The following ZCCHC2 variants were observed in gnomAD, a reference collection of about 807,000 sequenced individuals.
ZCCHC2 encodes zinc finger CCHC domain-containing protein 2.
In ZCCHC2, 39 loss-of-function variants were observed where a neutral mutation model predicts 103.6. That is an observed-to-expected ratio of 0.38 (90% CI 0.29 to 0.49). The LOEUF is 0.49. Among genes scored for constraint, ZCCHC2 ranks in the 20% least tolerant of loss-of-function variants. The pLI, the probability that ZCCHC2 is intolerant of heterozygous loss-of-function variation, is 0.96. For missense variants in ZCCHC2, 1,483 were observed against 1,491.0 expected, an observed-to-expected ratio of 0.99 and a Z score of 0.09; for synonymous variants, 687 against 608.9, an observed-to-expected ratio of 1.13 and a Z score of -1.89.
At position 62,524,183 on chromosome 18, in the gene ZCCHC2, C is replaced by T; in HGVS notation, c.759C>T (p.Ser253=). The change falls in exon 1 of 14, where the codon TCC becomes TCT. Residue 253 remains serine, a synonymous_variant. Coordinates refer to ENST00000269499, the MANE Select transcript of ZCCHC2 (RefSeq NM_017742.6). ...CCCGGGTCGGCGGCGGGCTTGGCTC[C>T]AGGGCCCAGGAGGAACTGCTGCTGC... ...VEPRVGGGLG[S]RAQEELLLLF... 6.5e-7 allele frequency: 1 copy of T among 1,548,510 alleles called. No individual in the cohort carries two copies. Among genetic ancestry groups the T allele is most frequent in the Non-Finnish European group, 8.7e-7 (1 of 1,146,302 alleles).
At chr18:62,564,240 A>G (rs1396966489) in intron 9 of ZCCHC2, among the ~76,000 whole-genome samples, 1 of 152,216 alleles carries the variant, frequency 6.6e-6, no homozygotes, top group Non-Finnish European at 1.5e-5. Flanking sequence ...GTTGACAGTT[A>G]TATGGAATTG....
chr18:62,528,685 T>C (rs1449886920), intron 1 of ZCCHC2, among the ~76,000 whole-genome samples: 4 of 152,162 alleles, frequency 2.6e-5, no homozygotes, highest in African/African-American at 9.7e-5. Context: ...TTGATTAACT[T>C]CGCAATATAG....
Position 62,574,367 on chromosome 18 carries a change from G to A in ZCCHC2, c.2286G>A (p.Arg762=), listed in dbSNP as rs1376226447. Residue 762 remains arginine (R), a synonymous_variant, in exon 13 of 14, where the codon AGG becomes AGA. Coordinates refer to ENST00000269499, the MANE Select transcript of ZCCHC2 (RefSeq NM_017742.6). Reference sequence around the variant, plus strand: ...GTCCTGTTGCTATTTCTGCAATAAGGGAGTCTGCAAATTCAACCCCTGTTG... The same window carrying A: ...GTCCTGTTGCTATTTCTGCAATAAGAGAGTCTGCAAATTCAACCCCTGTTG... ...VPSPVAISAI[R]ESANSTPVGI... 1.9e-6 allele frequency: 3 copies of A among 1,613,860 alleles called. No homozygotes were observed. Among genetic ancestry groups the A allele is most frequent in the Admixed American group, 3.3e-5 (2 of 59,996 alleles).
chr18:62,541,321 G>T (rs1322518952), intron 2 of ZCCHC2, among the ~76,000 whole-genome samples: 1 of 152,154 alleles, frequency 6.6e-6, no homozygotes, highest in Non-Finnish European at 1.5e-5. Context: ...CAAAATACTG[G>T]TAATGTTATA....
intron 10 of ZCCHC2, 26 bp downstream of exon 10, chr18:62,564,661 CAT>C: frequency 6.7e-7 from 1 of 1,497,432 alleles, no homozygotes; most frequent in Non-Finnish European, 9.0e-7. Context: ...GGAAAGACAG[CAT>C]ATAGCCTTTG....
In ZCCHC2 at chr18:62,569,985, T is replaced by C. The variant is rs1037778357; in HGVS notation, c.1847-118T>C. ...AGTTTAGATCAAGGACAAGCTTTTT[T>C]AGATGGTTGTGGGGAAACTGAAGAA... On this transcript the variant is annotated intron_variant, in intron 11 of 13. Coordinates refer to ENST00000269499, the MANE Select transcript of ZCCHC2 (RefSeq NM_017742.6). 6.3e-6 allele frequency: 6 copies of C among 956,712 alleles called. No individual in the cohort carries two copies. The East Asian group carries it at 1.7e-4, about 26-fold the overall frequency. The allele number at this position is 956,712 out of a possible 1,614,324, so 59.3% of individuals were successfully genotyped here.
At chr18:62,569,019 C>T (rs1048996522) in intron 11 of ZCCHC2, among the ~76,000 whole-genome samples, 3 of 152,232 alleles carry the variant, frequency 2.0e-5, no homozygotes, top group African/African-American at 2.4e-5. Context: ...CCATGAACTC[C>T]TCTGCCACTT....
intron 11 of ZCCHC2, 82 bp downstream of exon 11, chr18:62,565,178 T>C: frequency 9.7e-7 from 1 of 1,028,254 alleles, no homozygotes; most frequent in South Asian, 1.5e-5. Context: ...GATACTGAGC[T>C]GTTGTGTCAA....
At chr18:62,568,723 G>C (rs1248667798) in intron 11 of ZCCHC2, among the ~76,000 whole-genome samples, 1 of 152,152 alleles carries the variant, frequency 6.6e-6, no homozygotes, top group Non-Finnish European at 1.5e-5. Context: ...TCCATTTCTA[G>C]TTTGAGAATA....
chr18:62,549,285 T>C (rs995824576), intron 4 of ZCCHC2, among the ~76,000 whole-genome samples: 10 of 152,216 alleles, frequency 6.6e-5, no homozygotes, highest in Non-Finnish European at 1.5e-4. Context: ...ACAGCGGGTG[T>C]GTAGAATGCC....
chr18:62,553,579 A>G (rs1267113060), intron 5 of ZCCHC2, among the ~76,000 whole-genome samples: 2 of 152,100 alleles, frequency 1.3e-5, no homozygotes, highest in Admixed American at 6.5e-5. Flanking sequence ...ATTTATCTGT[A>G]AGATCAATTT....
At position 62,533,264 on chromosome 18, in the gene ZCCHC2, G is replaced by T. The variant is rs1431334056; in HGVS notation, c.940-6417G>T. Among the ~76,000 whole-genome samples the T allele has an allele frequency of 2.6e-5, 4 of 152,130 alleles. No individual in the cohort carries two copies. The South Asian group carries it at 8.3e-4, about 31-fold the overall frequency. ...TACGAGGCTGGGTGTGGTGGCTTAC[G>T]CCTGTAATCCCAGCACTTTGGGAGG... On this transcript the variant is annotated intron_variant, in intron 1 of 13. Transcript: ENST00000269499.
At chr18:62,541,171 T>C (rs1850886166) in intron 2 of ZCCHC2, among the ~76,000 whole-genome samples, 1 of 152,230 alleles carries the variant, frequency 6.6e-6, no homozygotes, top group Admixed American at 6.5e-5. Flanking sequence ...CTTATCCTAT[T>C]GCACAGTTCT....
chr18:62,547,112 G>A (rs771392634), intron 4 of ZCCHC2, among the ~76,000 whole-genome samples: 8 of 151,944 alleles, frequency 5.3e-5, no homozygotes, highest in Non-Finnish European at 1.2e-4. Context: ...ATCATCTGAG[G>A]TCAGCAGTTC....
At chr18:62,537,297 C>T (rs934503974) in intron 1 of ZCCHC2, among the ~76,000 whole-genome samples, 15 of 151,846 alleles carry the variant, frequency 9.9e-5, no homozygotes, top group Non-Finnish European at 1.9e-4. Flanking sequence ...TCCCATCTAA[C>T]GAGGACTACA....
chr18:62,546,376 C>T (rs1414116239), intron 4 of ZCCHC2, among the ~76,000 whole-genome samples: 1 of 152,194 alleles, frequency 6.6e-6, no homozygotes. Context: ...CACCCCACCG[C>T]CACACACTTT....
chr18:62,580,158 C>T (rs1343757418), downstream of ZCCHC2, among the ~76,000 whole-genome samples: 1 of 152,170 alleles, frequency 6.6e-6, no homozygotes, highest in East Asian at 1.9e-4. Flanking sequence ...CTCTGTTCAT[C>T]TGATTTTATG....
At chr18:62,552,658 C>T (rs554295267) in intron 5 of ZCCHC2, among the ~76,000 whole-genome samples, 9 of 152,110 alleles carry the variant, frequency 5.9e-5, no homozygotes, top group Admixed American at 2.6e-4. Context: ...CAGCCCTTTG[C>T]GAGGCCAAGA....
chr18:62,526,666 G>A (rs1451852831), intron 1 of ZCCHC2, among the ~76,000 whole-genome samples: 1 of 152,170 alleles, frequency 6.6e-6, no homozygotes, highest in Non-Finnish European at 1.5e-5. Context: ...CCCATCGTCA[G>A]GGATGAGCCC....
Sources: allele counts gnomAD v4.1 joint callset (sites outside exome capture counted in the v4.1 genomes callset), GRCh38; gene constraint gnomAD v4.1.1; transcripts MANE v1.5; gene names NCBI Gene and HGNC (gene_info 2026-07-23, HGNC 2026-07-21).